The following KCTD13 variants were observed in gnomAD, a reference collection of about 807,000 sequenced individuals.
The protein encoded by KCTD13 is BTB/POZ domain-containing adapter for CUL3-mediated RhoA degradation protein 1.
In KCTD13, 15 loss-of-function variants were observed where a neutral mutation model predicts 32.3. The ratio of observed to expected loss-of-function variants is 0.46; its 90% CI spans 0.31 to 0.71. The LOEUF (loss-of-function observed/expected upper bound fraction) is 0.71. Among genes scored for constraint, KCTD13 ranks in the 30% least tolerant of loss-of-function variants. The pLI is 0.05. For synonymous variants in KCTD13, 189 were observed against 200.1 expected, an observed-to-expected ratio of 0.94 and a Z score of 0.47; for missense variants, 337 against 452.6, an observed-to-expected ratio of 0.74 and a Z score of 2.32.
intron 2 of KCTD13, among the ~76,000 whole-genome samples, chr16:29,917,113 A>G (rs1010403563): frequency 8.5e-5 from 13 of 152,072 alleles, no homozygotes; most frequent in Admixed American, 2.0e-4. Flanking sequence ...CTTGGTGAGG[A>G]TCTGAAAAGG....
In KCTD13 at chr16:29,923,747, G is replaced by A. The variant is rs190470198; in HGVS notation, c.245-388C>T. ...TTGGTGGCTGGTGCCAGCTACTCGG[G>A]GGGGGGCGAGGCAGGAGAATCGCTT... On this transcript the variant is annotated intron_variant, in intron 1 of 5. Transcript: ENST00000568000. 4.6e-5 allele frequency among the ~76,000 whole-genome samples: 7 copies of A among 152,136 alleles called. No homozygotes were observed. The South Asian group carries it at 1.0e-3, about 23-fold the overall frequency.
intron 2 of KCTD13, chr16:29,922,717 T>G (rs1453791380): frequency 2.1e-5 from 6 of 281,584 alleles, no homozygotes; most frequent in Non-Finnish European, 3.9e-5. Context: ...TTTCACTGTT[T>G]AAAAAAAAAA....
chr16:29,919,440 G>A (rs2068868989), intron 2 of KCTD13: 1 of 152,024 alleles, frequency 6.6e-6, no homozygotes, highest in Non-Finnish European at 1.5e-5. Flanking sequence ...AATTACATTC[G>A]TGCCATAGAA....
At chr16:29,908,298 C>T (rs1030009707) in intron 5 of KCTD13, among the ~76,000 whole-genome samples, 1 of 152,142 alleles carries the variant, frequency 6.6e-6, no homozygotes, top group African/African-American at 2.4e-5. Flanking sequence ...GGGATGAAGT[C>T]GAAGAGGTGA....
chr16:29,906,587 T>G lies in KCTD13; in HGVS notation c.*285A>C. 1.7e-6 allele frequency: 1 copy of G among 584,650 alleles called. No homozygotes were observed. The allele number at this position is 584,650 out of a possible 1,614,324, so 36.2% of individuals were successfully genotyped here. On this transcript the variant is annotated 3_prime_UTR_variant, in exon 6 of 6. Coordinates refer to ENST00000568000, the MANE Select transcript of KCTD13 (RefSeq NM_178863.5). The stretch of plus-strand genomic sequence containing the variant: ...ATGCACTAAAAAAAGAGAAAGGGAA[T>G]TCTAAATCCCTCTTAACCAGCTGGA...
chr16:29,921,025 G>C (rs918062465), intron 2 of KCTD13: 1 of 152,048 alleles, frequency 6.6e-6, no homozygotes, highest in Non-Finnish European at 1.5e-5. Context: ...AAAATATGGT[G>C]AATGAACACC....
At chr16:29,922,268 C>T (rs947964902) in intron 2 of KCTD13, 1 of 151,886 alleles carries the variant, frequency 6.6e-6, no homozygotes, top group African/African-American at 2.4e-5. Context: ...CTTCAAGAAC[C>T]AGTAAGTATT....
chr16:29,925,556 A>G, intron 1 of KCTD13: 2 of 564,912 alleles, frequency 3.5e-6, no homozygotes, highest in South Asian at 4.0e-5. Context: ...CCTGGCAGTT[A>G]GGGGTTCCGT....
At chr16:29,925,734 C>A in intron 1 of KCTD13, 56 bp downstream of exon 1, 1 of 1,381,002 alleles carries the variant, frequency 7.2e-7, no homozygotes, top group South Asian at 1.2e-5. Flanking sequence ...TGAGAGACTG[C>A]GGGGAACGGG....
chr16:29,911,758 A>G, intron 4 of KCTD13, 57 bp downstream of exon 4: 2 of 1,591,720 alleles, frequency 1.3e-6, no homozygotes, highest in South Asian at 2.2e-5. Flanking sequence ...CTTGGGCAGA[A>G]GCAGGGCTGT....
At chr16:29,911,632 G>A (rs1370651149) in intron 4 of KCTD13, 183 bp downstream of exon 4, 9 of 624,886 alleles carry the variant, frequency 1.4e-5, no homozygotes, top group Non-Finnish European at 2.8e-6. Context: ...TGATGACTGA[G>A]CTGAAGCTGA....
chr16:29,924,720 C>CT (rs1214482858), intron 1 of KCTD13, among the ~76,000 whole-genome samples: 10,803 of 135,946 alleles, frequency 0.079, 938 homozygotes, highest in African/African-American at 0.21. Context: ...GAATTCTTCC[C>CT]TTTTTTTTTT....
In KCTD13 at chr16:29,907,575, C is replaced by A. The variant is rs531576331; in HGVS notation, c.754-467G>T. Among the ~76,000 whole-genome samples the A allele has an allele frequency of 2.0e-5, 3 of 152,028 alleles. 1 individual carries two copies. The highest frequency in any genetic ancestry group is 7.2e-5 in the African/African-American group (3 of 41,474). ...GCCAAGGTGGGAGGACAGCTTGAGGCCAGGAGTTTGAGTCTAGTCTGGGCA... is the reference window on the plus strand; with the variant it reads ...GCCAAGGTGGGAGGACAGCTTGAGGACAGGAGTTTGAGTCTAGTCTGGGCA... On this transcript the variant is annotated intron_variant, in intron 5 of 5. Transcript: ENST00000568000.
intron 4 of KCTD13, 92 bp downstream of exon 4, chr16:29,911,723 C>A: frequency 7.4e-7 from 1 of 1,355,450 alleles, no homozygotes; most frequent in South Asian, 1.2e-5. Flanking sequence ...TTCTTGTAGG[C>A]CCCCCGTGTG....
At position 29,926,080 on chromosome 16, in the gene KCTD13, T is replaced by A; in HGVS notation, c.-47A>T. 1 of 1,447,554 alleles carries A rather than the reference T, an allele frequency of 6.9e-7. No homozygotes were observed. The highest frequency in any genetic ancestry group is 9.0e-7 in the Non-Finnish European group (1 of 1,107,884). The allele number at this position is 1,447,554 out of a possible 1,614,324, so 89.7% of individuals were successfully genotyped here. Reference sequence around the variant, plus strand: ...GCGATCCCAGGATCTCTCCGCGCCCTGCGGCCTGCTCCCGAAGACCCTCGG... The same window carrying A: ...GCGATCCCAGGATCTCTCCGCGCCCAGCGGCCTGCTCCCGAAGACCCTCGG... On this transcript the variant is annotated 5_prime_UTR_variant, in exon 1 of 6. Coordinates refer to ENST00000568000, the MANE Select transcript of KCTD13 (RefSeq NM_178863.5).
intron 2 of KCTD13, 184 bp from the exon 3 acceptor site, chr16:29,912,233 G>C (rs765666130): frequency 4.8e-6 from 3 of 625,936 alleles, no homozygotes; most frequent in Non-Finnish European, 5.6e-6. Flanking sequence ...TTGGTCCCAC[G>C]GACACCTTGC....
intron 2 of KCTD13, among the ~76,000 whole-genome samples, chr16:29,917,599 G>A (rs1008532238): frequency 5.9e-5 from 9 of 152,058 alleles, no homozygotes; most frequent in African/African-American, 1.7e-4. Flanking sequence ...GGCCAACGTC[G>A]TGAAACCCCA....
intron 2 of KCTD13, chr16:29,921,909 T>G (rs972264653): frequency 9.2e-5 from 14 of 152,208 alleles, no homozygotes; most frequent in Admixed American, 6.6e-4. Flanking sequence ...AGGCAGAGGT[T>G]GCGGTGAGCC....
intron 5 of KCTD13, 52 bp downstream of exon 5, chr16:29,910,926 C>T: frequency 6.5e-7 from 1 of 1,546,536 alleles, no homozygotes; most frequent in Non-Finnish European, 8.8e-7. Flanking sequence ...TGTCCAGGGT[C>T]CTGGTCCTGG....
Sources: allele counts gnomAD v4.1 joint callset (sites outside exome capture counted in the v4.1 genomes callset), GRCh38; gene constraint gnomAD v4.1.1; transcripts MANE v1.5; gene names NCBI Gene and HGNC (gene_info 2026-07-23, HGNC 2026-07-21).